The following TBCD variants were observed in gnomAD, a reference collection of about 807,000 sequenced individuals.
TBCD encodes the protein tubulin folding cofactor D, also known as tubulin-specific chaperone D.
Under a neutral mutation model 169.3 loss-of-function variants are expected in TBCD, and 105 were observed. The ratio of observed to expected loss-of-function variants is 0.62; its 90% CI spans 0.53 to 0.73. The LOEUF (loss-of-function observed/expected upper bound fraction) is 0.73, where lower values mean the gene tolerates loss of function less well. TBCD is among the 30% of genes least tolerant of loss of function. TBCD has a pLI of 0.00. For synonymous variants in TBCD, 700 were observed against 643.9 expected, an observed-to-expected ratio of 1.09 and a Z score of -1.32; for missense variants, 1,444 against 1,600.1, an observed-to-expected ratio of 0.90 and a Z score of 1.66.
chr17:82,775,459 C>G (rs1158514478), intron 6 of TBCD, among the ~76,000 whole-genome samples: 1 of 152,116 alleles, frequency 6.6e-6, no homozygotes, highest in East Asian at 1.9e-4. Flanking sequence ...AAGGCCAGGG[C>G]TGCGAGGGGT....
intron 18 of TBCD, among the ~76,000 whole-genome samples, chr17:82,902,814 G>T (rs1286177130): frequency 2.0e-5 from 3 of 152,238 alleles, no homozygotes; most frequent in Non-Finnish European, 4.4e-5. Flanking sequence ...GCTGGGTCTG[G>T]AGGGGCTGGG....
At chr17:82,872,240 G>A (rs2057624511) in intron 14 of TBCD, among the ~76,000 whole-genome samples, 1 of 152,228 alleles carries the variant, frequency 6.6e-6, no homozygotes, top group East Asian at 1.9e-4. Context: ...CTCTTCGGAG[G>A]AGAACAGCGC....
In TBCD at chr17:82,929,740, C is replaced by A. The variant is rs1053197635; in HGVS notation, c.2991+240C>A. ...CAGGGCCAGCGCCACTCTCTTCCTG[C>A]GGCCGCAGCCTTGGAGCTCCCAGCG... is the stretch of plus-strand genomic sequence containing the variant. On this transcript the variant is annotated intron_variant, in intron 32 of 38. Transcript: ENST00000355528. The A allele has an allele frequency of 6.4e-6, 4 of 628,276 alleles. No individual in the cohort carries two copies. In the East Asian group the frequency reaches 8.3e-5, roughly 13 times the overall value. 38.9% of individuals were successfully genotyped at this position (628,276 alleles called of 1,614,324 possible).
intron 34 of TBCD, among the ~76,000 whole-genome samples, chr17:82,936,332 CGT>C (rs1355832013): frequency 1.3e-5 from 2 of 152,196 alleles, no homozygotes; most frequent in Non-Finnish European, 2.9e-5. Flanking sequence ...TTTTGTCTCG[CGT>C]GTTTCCACGT....
chr17:82,898,457 C>T (rs2059644234), intron 17 of TBCD, among the ~76,000 whole-genome samples: 1 of 152,206 alleles, frequency 6.6e-6, no homozygotes, highest in Non-Finnish European at 1.5e-5. Flanking sequence ...TGAGCAGAGG[C>T]TTCGTTTTCT....
chr17:82,925,582 G>A lies in TBCD; in HGVS notation c.2379+525G>A, dbSNP rs139213263. ...CACCTGGCGTCTGAAGCTGGAATAG[G>A]CCCTGGCCACTGGGTTCCCCACGCC... On this transcript the variant is annotated intron_variant, in intron 27 of 38. Coordinates refer to ENST00000355528, the MANE Select transcript of TBCD (RefSeq NM_005993.5). Among the ~76,000 whole-genome samples the A allele has an allele frequency of 7.0e-4, 107 of 152,254 alleles. No homozygotes were observed. The East Asian group carries it at 0.018, about 26-fold the overall frequency.
chr17:82,780,998 G>A (rs1447635242), intron 6 of TBCD, among the ~76,000 whole-genome samples: 1 of 152,014 alleles, frequency 6.6e-6, no homozygotes, highest in African/African-American at 2.4e-5. Context: ...CCTGCGCTGA[G>A]GCCGGGCTGC....
chr17:82,764,576 C>T (rs1351508533), intron 3 of TBCD, among the ~76,000 whole-genome samples: 1 of 152,146 alleles, frequency 6.6e-6, no homozygotes, highest in Non-Finnish European at 1.5e-5. Flanking sequence ...ACCTGAGAGG[C>T]AGAGGTTGCA....
intron 17 of TBCD, 127 bp downstream of exon 17, chr17:82,893,759 A>G (rs2146462522): frequency 1.4e-6 from 1 of 706,988 alleles, no homozygotes; most frequent in South Asian, 2.0e-5. Context: ...TTTTTGTGTG[A>G]AAAATTAAAA....
intron 2 of TBCD, among the ~76,000 whole-genome samples, chr17:82,759,488 A>G (rs1233677070): frequency 6.6e-6 from 1 of 152,168 alleles, no homozygotes; most frequent in Non-Finnish European, 1.5e-5. Context: ...TGTCTCAAAA[A>G]AAAAAAAATT....
In TBCD at chr17:82,801,005, C is replaced by T. The variant is rs773620255; in HGVS notation, c.950+9C>T. 3 of 1,572,128 alleles carry T rather than the reference C, an allele frequency of 1.9e-6. No individual in the cohort carries two copies. Among genetic ancestry groups the T allele is most frequent in the Middle Eastern group, 2.1e-4 (1 of 4,714 alleles). On this transcript the variant is annotated intron_variant, in intron 9 of 38. Coordinates refer to ENST00000355528, the MANE Select transcript of TBCD (RefSeq NM_005993.5). ...AAGGTGGCAGCATGGAGGTAGGCACCATGAGGGCGGTGCCTGGGGAGGGCC... is the reference window on the plus strand; with the variant it reads ...AAGGTGGCAGCATGGAGGTAGGCACTATGAGGGCGGTGCCTGGGGAGGGCC...
chr17:82,763,113 T>A (rs551146751), intron 2 of TBCD, among the ~76,000 whole-genome samples: 1 of 152,220 alleles, frequency 6.6e-6, no homozygotes, highest in Non-Finnish European at 1.5e-5. Context: ...CGATTTTCTC[T>A]TACTTGTTCT....
chr17:82,787,283 A>T (rs1196179477), intron 7 of TBCD, among the ~76,000 whole-genome samples: 1 of 152,184 alleles, frequency 6.6e-6, no homozygotes, highest in Non-Finnish European at 1.5e-5. Context: ...AAGAGTGAGC[A>T]ATTGTCTGAC....
At chr17:82,912,901 A>G (rs956752817) in intron 23 of TBCD, 4 of 152,266 alleles carry the variant, frequency 2.6e-5, no homozygotes, top group Non-Finnish European at 5.9e-5. Flanking sequence ...GGGAAAGTCA[A>G]TCCTAGAAAC....
Position 82,930,611 on chromosome 17 carries a change from G to T in TBCD, c.3081G>T (p.Leu1027=), listed in dbSNP as rs1372910817. Residue 1027 remains leucine, a synonymous_variant, in exon 33 of 39, where the codon CTG becomes CTT. Coordinates refer to ENST00000355528, the MANE Select transcript of TBCD (RefSeq NM_005993.5). The surrounding 1 kb of genome is among the most constrained non-coding windows in gnomAD (Gnocchi z 5.2). ...QALGSFSGTL[L]QIFEDNLLNE... ...TGGGCAGCTTCAGCGGGACCCTTCT[G>T]CAGATCTTTGAGGACAACCTTCTGA... 1 of 1,613,990 alleles carries T rather than the reference G, an allele frequency of 6.2e-7. No individual in the cohort carries two copies. The highest frequency in any genetic ancestry group is 8.5e-7 in the Non-Finnish European group (1 of 1,179,876).
intron 13 of TBCD, among the ~76,000 whole-genome samples, chr17:82,861,210 G>A (rs2056730960): frequency 6.6e-6 from 1 of 151,820 alleles, no homozygotes; most frequent in Non-Finnish European, 1.5e-5. Flanking sequence ...CGGTGGTCAG[G>A]GACCCACCCA....
At chr17:82,755,767 AGTGTGAGAGGAGTGCCAGGGAT>A (rs1490098474) in intron 1 of TBCD, among the ~76,000 whole-genome samples, 1 of 152,040 alleles carries the variant, frequency 6.6e-6, no homozygotes, top group Non-Finnish European at 1.5e-5. Context: ...TTGGCAGGGG[AGTGTGAGAGGAGTGCCAGGGAT>A]GTGTGTCTCA....
intron 13 of TBCD, among the ~76,000 whole-genome samples, chr17:82,827,310 C>G (rs2052941862): frequency 6.6e-6 from 1 of 152,190 alleles, no homozygotes; most frequent in African/African-American, 2.4e-5. Context: ...GGAGCAGTTC[C>G]CATCGTAGTG....
intron 13 of TBCD, among the ~76,000 whole-genome samples, chr17:82,823,512 G>A (rs538497635): frequency 1.3e-5 from 2 of 152,084 alleles, no homozygotes; most frequent in Non-Finnish European, 2.9e-5. Flanking sequence ...TGTGTTTCGT[G>A]TTGCACTCCG....
Sources: gnomAD v4.1 joint callset for allele counts (sites outside exome capture counted in the v4.1 genomes callset) on GRCh38, gnomAD v4.1.1 for gene constraint, Gnocchi (gnomAD v3.1) non-coding constraint, MANE v1.5 for transcripts, NCBI Gene and HGNC (gene_info 2026-07-23, HGNC 2026-07-21) for gene names.